Variants in CEP63 observed in about 807,000 individuals in gnomAD.
CEP63 encodes centrosomal protein 63.
In CEP63, 84 loss-of-function variants were observed where a neutral mutation model predicts 89.1. That is an observed-to-expected ratio of 0.94 (90% CI 0.79 to 1.13). The LOEUF is 1.13. CEP63 is among the 50% of genes most tolerant of loss of function. The probability of loss-of-function intolerance (pLI) is 0.00; values close to 1 mark genes in which losing one functional copy is unlikely to be tolerated. For synonymous variants in CEP63, 267 were observed against 272.5 expected (o/e 0.98, Z 0.20); for missense variants, 838 against 813.3 (o/e 1.03, Z -0.37).
chr3:134,566,180 G>A (rs904304511), downstream of CEP63, among the ~76,000 whole-genome samples: 1 of 150,922 alleles, frequency 6.6e-6, no homozygotes, highest in Non-Finnish European at 1.5e-5. Context: ...ATTTTATGTT[G>A]CCCATTAAGA....
the CEP63 span, chr3:134,606,926 T>G: frequency 1.0e-6 from 1 of 985,142 alleles, no homozygotes; most frequent in Non-Finnish European, 1.2e-6. Context: ...CATCTCAGTT[T>G]CCCTATTTTG....
chr3:134,628,097 G>C, the CEP63 span: 36 of 457,160 alleles, frequency 7.9e-5, no homozygotes, highest in Non-Finnish European at 1.2e-4. Flanking sequence ...CTAACACTTT[G>C]GGTGATTCAT....
intron 5 of CEP63, chr3:134,536,080 A>G (rs191113432): frequency 1.3e-5 from 2 of 151,840 alleles, no homozygotes; most frequent in East Asian, 3.9e-4. Context: ...TTGTAACTTC[A>G]CCCTCATCTC....
At chr3:134,584,974 T>TTTTTTTTTTTTTTTTTTTTTTG (rs1958451757) in intron 10 of CEP63, among the ~76,000 whole-genome samples, 1 of 149,470 alleles carries the variant, frequency 6.7e-6, no homozygotes. Context: ...TTTTTTTTTT[T>TTTTTTTTTTTTTTTTTTTTTTG]GCATGGAGGT....
intron 3 of CEP63, among the ~76,000 whole-genome samples, chr3:134,527,031 G>A (rs1948789923): frequency 6.6e-6 from 1 of 152,190 alleles, no homozygotes; most frequent in South Asian, 2.1e-4. Flanking sequence ...CACAATGGGT[G>A]GTGGCAGCCA....
chr3:134,548,884 T>C (rs2109768280), intron 9 of CEP63, among the ~76,000 whole-genome samples, 178 bp from the exon 10 acceptor site: 2 of 152,350 alleles, frequency 1.3e-5, no homozygotes, highest in Middle Eastern at 3.4e-3. Context: ...GACAACAGTT[T>C]ACATTTTTAT....
chr3:134,781,537 C>T, the CEP63 span, among the ~76,000 whole-genome samples: 1 of 152,136 alleles, frequency 6.6e-6, no homozygotes, highest in Non-Finnish European at 1.5e-5. Context: ...GGGCTGCAAG[C>T]CTACCCATCA....
intron 3 of CEP63, among the ~76,000 whole-genome samples, chr3:134,517,381 G>C (rs1242009252): frequency 6.6e-6 from 1 of 152,174 alleles, no homozygotes; most frequent in Non-Finnish European, 1.5e-5. Flanking sequence ...CACAATCATA[G>C]GGGAGAATTT....
chr3:134,663,148 T>A, the CEP63 span, among the ~76,000 whole-genome samples: 9 of 152,230 alleles, frequency 5.9e-5, no homozygotes, highest in Admixed American at 5.9e-4. Context: ...CAGGCCCCTC[T>A]GGCACCCAGG....
chr3:134,545,794 T>A lies in CEP63; in HGVS notation c.764T>A (p.Leu255Ter), dbSNP rs775712041. The change falls in exon 7 of 15, where the codon TTG becomes TAG. Residue 255 changes from leucine to a stop codon, truncating the protein, a stop_gained. Transcript: ENST00000675561. LOFTEE classifies it high-confidence loss of function. ...LQEQQQKEEKLRESEKLLEAL... is the reference protein window; with the variant it reads ...LQEQQQKEEK ...GAGCAGCAGCAAAAAGAAGAAAAAT[T>A]GAGGGAATCTGAAAAACTATTAGAG... 1.9e-5 allele frequency: 31 copies of A among 1,613,366 alleles called. No homozygotes were observed. The highest frequency in any genetic ancestry group is 2.5e-5 in the Non-Finnish European group (29 of 1,179,628).
chr3:134,526,099 A>G (rs1194868954), intron 3 of CEP63, among the ~76,000 whole-genome samples: 2 of 151,848 alleles, frequency 1.3e-5, no homozygotes, highest in African/African-American at 4.8e-5. Context: ...TCTTTACATA[A>G]TCCCATATAT....
At chr3:134,678,769 G>A in the CEP63 span, among the ~76,000 whole-genome samples, 3,806 of 152,262 alleles carry the variant, frequency 0.025, 66 homozygotes, top group Middle Eastern at 0.034. Context: ...ACCTCACTGT[G>A]CTGCTGCTAC....
At chr3:134,734,973 G>C in the CEP63 span, among the ~76,000 whole-genome samples, 4 of 151,968 alleles carry the variant, frequency 2.6e-5, no homozygotes, top group Admixed American at 2.6e-4. Context: ...TTCTTCTATA[G>C]GCTCTTGCTT....
chr3:134,501,482 T>C (rs2108264204), intron 2 of CEP63, among the ~76,000 whole-genome samples: 1 of 152,354 alleles, frequency 6.6e-6, no homozygotes, highest in African/African-American at 2.4e-5. Flanking sequence ...TTTTTCTATT[T>C]GTTTATGTCA....
the CEP63 span, among the ~76,000 whole-genome samples, chr3:134,765,604 C>G: frequency 8.1e-4 from 123 of 152,290 alleles, no homozygotes; most frequent in African/African-American, 2.8e-3. Flanking sequence ...AAGGGGAGAG[C>G]ATGTGTACAG....
the CEP63 span, among the ~76,000 whole-genome samples, chr3:134,611,945 C>T: frequency 1.3e-5 from 2 of 152,250 alleles, no homozygotes; most frequent in African/African-American, 4.8e-5. Context: ...TAATACATAT[C>T]ACTTGCTGAG....
rs759571823 is a variant in CEP63 at position 134,559,212 on chromosome 3, A to G, written c.1736A>G (p.His579Arg). The G allele has an allele frequency of 4.3e-6, 7 of 1,614,168 alleles. No individual in the cohort carries two copies. Among genetic ancestry groups the G allele is most frequent in the South Asian group, 2.2e-5 (2 of 91,084 alleles). Residue 579 changes from histidine (H) to arginine (R), a missense_variant, in exon 14 of 15, where the codon CAT becomes CGT. Transcript: ENST00000675561. ...IKTEHYKTDLHSPRGQASDSI... is the reference protein window; with the variant it reads ...IKTEHYKTDLRSPRGQASDSI... ...ACTGAGCACTACAAAACAGATCTTC[A>G]TTCTCCAAGAGGACAAGCGTCGGAT... is the stretch of plus-strand genomic sequence containing the variant.
the CEP63 span, among the ~76,000 whole-genome samples, chr3:134,682,783 G>A: frequency 2.0e-5 from 3 of 152,234 alleles, no homozygotes; most frequent in Non-Finnish European, 2.9e-5. Context: ...CTCAGAGGAA[G>A]GTACTATTAT....
At chr3:134,601,755 T>G in the CEP63 span, among the ~76,000 whole-genome samples, 2 of 152,190 alleles carry the variant, frequency 1.3e-5, no homozygotes, top group Non-Finnish European at 2.9e-5. Flanking sequence ...TGTTGGATGA[T>G]GGGCACCCTT....
Sources: gnomAD v4.1 joint callset for allele counts (sites outside exome capture counted in the v4.1 genomes callset) on GRCh38, gnomAD v4.1.1 for gene constraint, MANE v1.5 for transcripts, NCBI Gene and HGNC (gene_info 2026-07-23, HGNC 2026-07-21) for gene names.